KALRN: variants seen among roughly 807,000 people sequenced by gnomAD.
KALRN encodes kalirin RhoGEF kinase.
A neutral mutation model predicts 353.7 loss-of-function variants in KALRN; 70 were observed. That is an observed-to-expected ratio of 0.20 (90% confidence interval 0.16 to 0.24). KALRN has a LOEUF of 0.24. Ranked by LOEUF, KALRN falls within the 10% of genes least tolerant of loss-of-function variation. KALRN has a pLI of 1.00. For missense variants in KALRN, 2,791 were observed against 3,756.7 expected (o/e 0.74, Z 6.72); for synonymous variants, 1,391 against 1,434.8 (o/e 0.97, Z 0.69).
chr3:124,413,883 A>T (rs946282136), intron 14 of KALRN, among the ~76,000 whole-genome samples: 8 of 152,150 alleles, frequency 5.3e-5, no homozygotes, highest in Admixed American at 4.6e-4. Flanking sequence ...AGGTGAGTGG[A>T]TCATTTGAGG....
intron 37 of KALRN, among the ~76,000 whole-genome samples, chr3:124,642,304 A>AAGAGAG (rs34625612): frequency 2.0e-5 from 3 of 149,902 alleles, no homozygotes; most frequent in African/African-American, 7.4e-5. Context: ...AAAAAATTAA[A>AAGAGAG]AGAGAGAGAG....
intron 5 of KALRN, among the ~76,000 whole-genome samples, chr3:124,275,395 A>G (rs983711820): frequency 6.6e-6 from 1 of 152,150 alleles, no homozygotes; most frequent in Admixed American, 6.5e-5. Context: ...ATTCTCCCCT[A>G]CATATTTATA....
At chr3:124,455,441 G>T (rs187035492) in intron 22 of KALRN, 82 bp downstream of exon 22, 3 of 1,387,558 alleles carry the variant, frequency 2.2e-6, no homozygotes, top group East Asian at 2.3e-5. Flanking sequence ...TGGAAGAAAA[G>T]CATGTTTCCA....
At chr3:124,324,373 CCTCT>C (rs1478039184) in intron 6 of KALRN, among the ~76,000 whole-genome samples, 1 of 152,212 alleles carries the variant, frequency 6.6e-6, no homozygotes, top group Non-Finnish European at 1.5e-5. Flanking sequence ...CCCCATTCTT[CCTCT>C]CTATTTCTAA....
chr3:124,063,119 G>A (rs1486344263), intron 1 of KALRN, among the ~76,000 whole-genome samples: 1 of 152,162 alleles, frequency 6.6e-6, no homozygotes, highest in Non-Finnish European at 1.5e-5. Context: ...TGGAGAGGCA[G>A]AGGAGAGCTA....
At chr3:124,462,101 A>C in intron 24 of KALRN, 145 bp downstream of exon 24, 1 of 656,490 alleles carries the variant, frequency 1.5e-6, no homozygotes, top group Non-Finnish European at 2.7e-6. Context: ...TCTTTCTCCT[A>C]AAGTCAACAA....
intron 43 of KALRN, among the ~76,000 whole-genome samples, chr3:124,660,393 A>T (rs2084690848): frequency 6.6e-6 from 1 of 151,846 alleles, no homozygotes; most frequent in Non-Finnish European, 1.5e-5. Context: ...TAGCTTTGAA[A>T]TTTTGAGGCT....
chr3:124,544,412 T>A (rs557558462), intron 33 of KALRN, among the ~76,000 whole-genome samples: 3 of 152,116 alleles, frequency 2.0e-5, no homozygotes, highest in Non-Finnish European at 2.9e-5. Context: ...AATACAAAAA[T>A]GAGTCAGGCG....
Position 124,659,350 on chromosome 3 carries a change from C to T in KALRN, c.6124-15C>T, listed in dbSNP as rs764516295. On this transcript the variant is annotated splice_polypyrimidine_tract_variant and intron_variant, in intron 42 of 59. Transcript: ENST00000682506. ...TCAGTTCCTTTTTCTTCTAATATTG[C>T]TGCCTGTGTTTCAGGAGGTAAAACA... 3 of 1,578,070 alleles carry T rather than the reference C, an allele frequency of 1.9e-6. No homozygotes were observed. Among genetic ancestry groups the T allele is most frequent in the East Asian group, 4.5e-5 (2 of 44,686 alleles).
intron 1 of KALRN, among the ~76,000 whole-genome samples, chr3:124,123,297 A>G (rs1039562951): frequency 1.3e-5 from 2 of 152,180 alleles, no homozygotes; most frequent in African/African-American, 2.4e-5. Context: ...TAAAGGTGCT[A>G]TTTCAGTGAA....
intron 1 of KALRN, among the ~76,000 whole-genome samples, chr3:124,179,804 G>A (rs1032551383): frequency 1.3e-5 from 2 of 152,116 alleles, no homozygotes; most frequent in Non-Finnish European, 2.9e-5. Context: ...GCGGTGCATG[G>A]CTATTCTGCA....
chr3:124,110,469 G>GCACACACACACA (rs1553768422), intron 1 of KALRN, among the ~76,000 whole-genome samples: 18 of 133,982 alleles, frequency 1.3e-4, no homozygotes, highest in South Asian at 2.3e-4. Context: ...ACACACGCGC[G>GCACACACACACA]CACACACACA....
intron 1 of KALRN, among the ~76,000 whole-genome samples, chr3:124,074,317 G>T (rs1404633851): frequency 6.6e-6 from 1 of 152,252 alleles, no homozygotes; most frequent in East Asian, 1.9e-4. Flanking sequence ...TAAAGCTGGA[G>T]TTCCATGCAT....
intron 5 of KALRN, among the ~76,000 whole-genome samples, chr3:124,269,779 A>G (rs1297847313): frequency 6.6e-6 from 1 of 152,174 alleles, no homozygotes; most frequent in Non-Finnish European, 1.5e-5. Flanking sequence ...TTTGATCCTT[A>G]TGGGTTGAGT....
At chr3:124,507,072 GATT>G (rs1313354616) in intron 33 of KALRN, among the ~76,000 whole-genome samples, 6 of 152,140 alleles carry the variant, frequency 3.9e-5, no homozygotes, top group Non-Finnish European at 8.8e-5. Flanking sequence ...AGACATTTCA[GATT>G]ATTGTTTGAA....
intron 57 of KALRN, among the ~76,000 whole-genome samples, chr3:124,707,033 G>A (rs1475606738): frequency 1.3e-5 from 2 of 151,958 alleles, no homozygotes; most frequent in Admixed American, 1.3e-4. Flanking sequence ...TAATAGAGAT[G>A]AGAGTGGAAA....
At chr3:124,226,321 C>T (rs907485489) in intron 1 of KALRN, among the ~76,000 whole-genome samples, 29 of 152,130 alleles carry the variant, frequency 1.9e-4, no homozygotes, top group African/African-American at 6.3e-4. Flanking sequence ...AAAATTAGAG[C>T]ATAAATATCT....
chr3:124,573,028 C>A (rs932840331), intron 34 of KALRN, among the ~76,000 whole-genome samples: 14 of 152,158 alleles, frequency 9.2e-5, no homozygotes, highest in African/African-American at 3.4e-4. Context: ...CAGAGCGAGA[C>A]CCTGTCTCCA....
intron 2 of KALRN, 144 bp from the exon 3 acceptor site, chr3:124,234,685 C>T (rs541663643): frequency 4.1e-5 from 26 of 634,768 alleles, no homozygotes; most frequent in Non-Finnish European, 6.7e-5. Flanking sequence ...TAGACCCCCC[C>T]ACCTTGTCCT....
Sources: allele counts gnomAD v4.1 joint callset (sites outside exome capture counted in the v4.1 genomes callset), GRCh38; gene constraint gnomAD v4.1.1; transcripts MANE v1.5; gene names NCBI Gene and HGNC (gene_info 2026-07-23, HGNC 2026-07-21).